Variants in ITGA3 observed in about 807,000 individuals in gnomAD.
ITGA3 encodes the protein integrin subunit alpha 3, also known as integrin alpha-3.
Under a neutral mutation model 131.1 loss-of-function variants are expected in ITGA3, and 70 were observed. The observed-to-expected ratio is 0.53, with a 90% confidence interval of 0.44 to 0.65. The LOEUF is 0.65. Ranked by LOEUF, ITGA3 falls within the 30% of genes least tolerant of loss-of-function variation. The probability of loss-of-function intolerance (pLI) is 0.00; values close to 1 mark genes in which losing one functional copy is unlikely to be tolerated. For missense variants in ITGA3, 1,098 were observed against 1,388.6 expected (o/e 0.79, Z 3.33); for synonymous variants, 537 against 571.6 (o/e 0.94, Z 0.86).
rs961612470 is a variant in ITGA3, at chr17:50,071,379, C to T, written c.820C>T (p.Arg274Trp). Residue 274 changes from arginine to tryptophan, a missense_variant, in exon 6 of 26, where the codon CGG (arginine) becomes TGG (tryptophan). Arg to Trp is a moderately radical substitution (Grantham distance 101). This residue lies in a region of ITGA3 where 356 missense variants were observed against 529.2 expected (regional missense o/e 0.67). Coordinates refer to ENST00000320031, the MANE Select transcript of ITGA3 (RefSeq NM_002204.4). ...CATCACCATTGTGACAGGTGCCCCA[C>T]GGCACCGACATATGGGCGCGGTGTT... is the stretch of plus-strand genomic sequence containing the variant. The part of the protein sequence containing the change: ...KNITIVTGAP[R>W]HRHMGAVFLL... 4 of 1,614,022 alleles carry T rather than the reference C, an allele frequency of 2.5e-6. No homozygotes were observed. Among genetic ancestry groups the T allele is most frequent in the Non-Finnish European group, 3.4e-6 (4 of 1,180,016 alleles).
rs762285671 is a variant in ITGA3, at chr17:50,072,061, C to T, written c.1035C>T (p.Phe345=). The T allele has an allele frequency of 3.1e-6, 5 of 1,614,008 alleles. No individual in the cohort carries two copies. The African/African-American group carries it at 5.3e-5, about 17-fold the overall frequency. Residue 345 remains phenylalanine (F), a synonymous_variant, in exon 7 of 26, where the codon TTC becomes TTT. Transcript: ENST00000320031. ...KEEVGGAIYV[F]MNQAGTSFPA... is the part of the protein sequence containing the mutation. The stretch of plus-strand genomic sequence containing the variant: ...AAGTAGGGGGTGCCATCTATGTCTT[C>T]ATGAACCAGGCGGGAACCTCCTTCC...
chr17:50,069,508 A>G (rs1451994509), intron 4 of ITGA3, among the ~76,000 whole-genome samples: 2 of 152,102 alleles, frequency 1.3e-5, no homozygotes, highest in East Asian at 1.9e-4. Flanking sequence ...TCTACAAAAA[A>G]TTTAAAAATT....
chr17:50,062,035 G>C (rs1339079486), intron 1 of ITGA3, among the ~76,000 whole-genome samples: 1 of 88,360 alleles, frequency 1.1e-5, no homozygotes, highest in African/African-American at 3.6e-5. Flanking sequence ...GCAAGACCCT[G>C]TCTCAAAAAA....
Position 50,056,444 on chromosome 17 carries a change from G to A in ITGA3, c.5G>A (p.Gly2Asp). 3 of 1,526,714 alleles carry A rather than the reference G, an allele frequency of 2.0e-6. No individual in the cohort carries two copies. Among genetic ancestry groups the A allele is most frequent in the Non-Finnish European group, 2.6e-6 (3 of 1,137,180 alleles). The allele number at this position is 1,526,714 out of a possible 1,614,324, so 94.6% of individuals were successfully genotyped here. The change falls in exon 1 of 26, where the codon GGC becomes GAC. Residue 2 changes from glycine to aspartate, a missense_variant. This residue lies in a region of ITGA3 where 43 missense variants were observed against 30.3 expected (regional missense o/e 1.42). Transcript: ENST00000320031. This position sits in a 1 kb window ranked among gnomAD's most constrained non-coding sequence, Gnocchi z 5.6. M[G>D]PGPSRAPRAP... ...ACCCCGCTTCCGCTGGCAGCCATGG[G>A]CCCCGGCCCCAGCCGCGCGCCCCGC...
At chr17:50,071,236 A>C in intron 5 of ITGA3, 75 bp from the exon 6 acceptor site, 1 of 1,295,734 alleles carries the variant, frequency 7.7e-7, no homozygotes. Flanking sequence ...AAGAGAGGGA[A>C]TAGGGAGATG....
At chr17:50,072,562 G>A (rs1908681452) in intron 7 of ITGA3, among the ~76,000 whole-genome samples, 1 of 152,180 alleles carries the variant, frequency 6.6e-6, no homozygotes, top group South Asian at 2.1e-4. Flanking sequence ...GGTGGGGTGA[G>A]GATGGATGCT....
Position 50,081,375 on chromosome 17 carries a change from C to T in ITGA3, c.2886C>T (p.Ile962=). The T allele has an allele frequency of 6.3e-7, 1 of 1,588,248 alleles. No individual in the cohort carries two copies. Among genetic ancestry groups the T allele is most frequent in the Non-Finnish European group, 8.6e-7 (1 of 1,165,594 alleles). ...GWATLFLRTS[I]PTINMENKTT... ...CTACCCTATTCCTCCGAACCAGCAT[C>T]CCCACCATCAACATGGAGAACAAGA... The change falls in exon 23 of 26, where the codon ATC becomes ATT. Residue 962 remains isoleucine, a synonymous_variant. Transcript: ENST00000320031.
At chr17:50,087,016 C>T (rs1357532828) in intron 23 of ITGA3, 3 of 152,038 alleles carry the variant, frequency 2.0e-5, no homozygotes, top group Admixed American at 6.6e-5. Flanking sequence ...TCCACCATTG[C>T]ACTCCAGCCT....
At chr17:50,065,116 T>G in intron 3 of ITGA3, 1 of 149,622 alleles carries the variant, frequency 6.7e-6, no homozygotes, top group Non-Finnish European at 1.5e-5. Flanking sequence ...AGATAGACAT[T>G]TCCCCCCGCA....
At chr17:50,082,413 G>T (rs568521169) in intron 23 of ITGA3, among the ~76,000 whole-genome samples, 1 of 152,196 alleles carries the variant, frequency 6.6e-6, no homozygotes, top group South Asian at 2.1e-4. Context: ...TCCTGACCTT[G>T]TGATCCACCT....
At chr17:50,085,544 A>G (rs1006969938) in intron 23 of ITGA3, among the ~76,000 whole-genome samples, 8 of 151,506 alleles carry the variant, frequency 5.3e-5, no homozygotes, top group Non-Finnish European at 8.8e-5. Context: ...GGCACCTGTA[A>G]TCTCAGAAAC....
intron 3 of ITGA3, chr17:50,065,435 T>G (rs1908293530): frequency 6.6e-6 from 1 of 152,266 alleles, no homozygotes; most frequent in Non-Finnish European, 1.5e-5. Flanking sequence ...CTATTTCAGG[T>G]ACTCCTCTCT....
At chr17:50,068,358 C>T in intron 4 of ITGA3, 53 bp downstream of exon 4, 2 of 1,591,366 alleles carry the variant, frequency 1.3e-6, no homozygotes, top group South Asian at 2.2e-5. Context: ...ACCACCCACC[C>T]CTAGTTAGCC....
In ITGA3 at chr17:50,078,118, C is replaced by T; in HGVS notation, c.2212C>T (p.Leu738Phe). The T allele has an allele frequency of 6.2e-7, 1 of 1,613,768 alleles. No individual in the cohort carries two copies. The highest frequency in any genetic ancestry group is 8.5e-7 in the Non-Finnish European group (1 of 1,179,690). ...HTRDLQVQLQLSTSSHQDNLW... is the reference protein window; with the variant it reads ...HTRDLQVQLQFSTSSHQDNLW... Reference sequence around the variant, plus strand: ...AAGGGACCTTCAGGTGCAGCTGCAGCTCTCCACGTGAGTGACCTCGAAAAG... The same window carrying T: ...AAGGGACCTTCAGGTGCAGCTGCAGTTCTCCACGTGAGTGACCTCGAAAAG... The change falls in exon 17 of 26, where the codon CTC becomes TTC. Residue 738 changes from leucine to phenylalanine, a missense_variant. By Grantham distance (22) the Leu-to-Phe change is conservative (BLOSUM62 0). Around this residue, in one of 3 missense-constraint regions of ITGA3, gnomAD observed 699 missense variants for 829.2 expected, o/e 0.84. Coordinates refer to ENST00000320031, the MANE Select transcript of ITGA3 (RefSeq NM_002204.4).
In ITGA3 at chr17:50,076,469, C is replaced by T; in HGVS notation, c.1818C>T (p.His606=). 1.2e-6 allele frequency: 2 copies of T among 1,608,970 alleles called. No homozygotes were observed. The highest frequency in any genetic ancestry group is 1.7e-6 in the Non-Finnish European group (2 of 1,179,954). ...ILNQAQALEN[H]TEVQFQKECG... ...ACCAGGCACAGGCTCTGGAGAACCA[C>T]ACTGAGGTGAGTGGGGCTGGCGCCT... The change falls in exon 13 of 26, where the codon CAC becomes CAT. Residue 606 remains histidine, a synonymous_variant. Transcript: ENST00000320031.
chr17:50,080,463 GGTGTGTGT>G lies in ITGA3; in HGVS notation c.2820+124_2820+131del, dbSNP rs113441627. On this transcript the variant is annotated intron_variant, in intron 22 of 25. Coordinates refer to ENST00000320031, the MANE Select transcript of ITGA3 (RefSeq NM_002204.4). ...AGGGCGAGTCCAGGGTCATAGCATGGGTGTGTGTGTGTGTGTGTGTGTGTGTGTGTGTG... is the reference window on the plus strand; with the variant it reads ...AGGGCGAGTCCAGGGTCATAGCATGGGTGTGTGTGTGTGTGTGTGTGTGTG... The G allele has an allele frequency of 0.08, 39,495 of 491,708 alleles. 5 individuals are homozygous for G. The highest frequency in any genetic ancestry group is 0.1 in the Non-Finnish European group (29,286 of 279,232). 30.5% of individuals were successfully genotyped at this position (491,708 alleles called of 1,614,324 possible).
rs537184522 is a variant in ITGA3, at chr17:50,082,448, A to G, written c.2919+1040A>G. On this transcript the variant is annotated intron_variant, in intron 23 of 25. Transcript: ENST00000320031. ...TGCCTCGGCCTCCCAAAGTGCTGGG[A>G]TTACAGGCATGAGCCACTGTGCCTG... 2.8e-3 allele frequency among the ~76,000 whole-genome samples: 419 copies of G among 152,212 alleles called. 1 individual carries two copies. Among genetic ancestry groups the G allele is most frequent in the African/African-American group, 9.6e-3 (399 of 41,522 alleles).
chr17:50,074,458 G>A lies in ITGA3; in HGVS notation c.1393G>A (p.Val465Ile), dbSNP rs140792604. The A allele has an allele frequency of 5.8e-5, 94 of 1,613,972 alleles. No homozygotes were observed. Among genetic ancestry groups the A allele is most frequent in the Admixed American group, 5.7e-4 (34 of 60,018 alleles). Residue 465 changes from valine to isoleucine, a missense_variant, in exon 10 of 26, where the codon GTC becomes ATC. By Grantham distance (29) the Val-to-Ile change is conservative. Transcript: ENST00000320031. ...DHIVLLRARPVINIVHKTLVP... is the reference protein window; with the variant it reads ...DHIVLLRARPIINIVHKTLVP... Reference sequence around the variant, plus strand: ...CTGTTGTCTCTGCAGGGCCCGGCCCGTCATCAACATCGTCCACAAGACCTT... The same window carrying A: ...CTGTTGTCTCTGCAGGGCCCGGCCCATCATCAACATCGTCCACAAGACCTT...
chr17:50,084,093 G>A (rs984815556), intron 23 of ITGA3, among the ~76,000 whole-genome samples: 1 of 151,708 alleles, frequency 6.6e-6, no homozygotes, highest in African/African-American at 2.4e-5. Flanking sequence ...AATTAACTGG[G>A]CGTGGTGGTG....
Sources: allele counts gnomAD v4.1 joint callset (sites outside exome capture counted in the v4.1 genomes callset), GRCh38; gene constraint gnomAD v4.1.1; regional missense constraint gnomAD v4.1.1; non-coding constraint Gnocchi (gnomAD v3.1); transcripts MANE v1.5; gene names NCBI Gene and HGNC (gene_info 2026-07-23, HGNC 2026-07-21).